HS6ST3: variants seen among roughly 807,000 people sequenced by gnomAD.
The protein encoded by HS6ST3 is heparan-sulfate 6-O-sulfotransferase 3.
Under a neutral mutation model 36.7 loss-of-function variants are expected in HS6ST3, and 12 were observed. The observed-to-expected ratio is 0.33, with a 90% CI of 0.21 to 0.53. The LOEUF is 0.53. Ranked by LOEUF, HS6ST3 falls within the 20% of genes least tolerant of loss-of-function variation. The pLI, the probability that HS6ST3 is intolerant of heterozygous loss-of-function variation, is 0.95. For synonymous variants in HS6ST3, 240 were observed against 257.5 expected (o/e 0.93, Z 0.65); for missense variants, 584 against 640.9 (o/e 0.91, Z 0.96).
chr13:96,366,905 G>C lies in HS6ST3; in HGVS notation c.707+275336G>C, dbSNP rs191627113. Among the ~76,000 whole-genome samples, 97 of 152,190 alleles carry C rather than the reference G, an allele frequency of 6.4e-4. 2 individuals are homozygous for C. The East Asian group carries it at 0.018, about 29-fold the overall frequency. Reference sequence around the variant, plus strand: ...CGCAAGACCTGATGGTTTTATAAAGGGGATTTCCCCTGCATATGCTCTCTT... The same window carrying C: ...CGCAAGACCTGATGGTTTTATAAAGCGGATTTCCCCTGCATATGCTCTCTT... On this transcript the variant is annotated intron_variant, in intron 1 of 1. Coordinates refer to ENST00000376705, the MANE Select transcript of HS6ST3 (RefSeq NM_153456.4).
chr13:96,215,786 G>A (rs1216960083), intron 1 of HS6ST3, among the ~76,000 whole-genome samples: 1 of 152,066 alleles, frequency 6.6e-6, no homozygotes, highest in Admixed American at 6.6e-5. Context: ...TAAGGTTTGA[G>A]TTTGTGGTTC....
chr13:96,566,187 G>T (rs531692923), intron 1 of HS6ST3, among the ~76,000 whole-genome samples: 2 of 151,692 alleles, frequency 1.3e-5, no homozygotes, highest in Non-Finnish European at 2.9e-5. Context: ...ATAATAGGAG[G>T]ACAAAATTAA....
intron 1 of HS6ST3, among the ~76,000 whole-genome samples, chr13:96,184,146 A>G (rs1235947989): frequency 6.9e-6 from 1 of 145,498 alleles, no homozygotes; most frequent in Non-Finnish European, 1.5e-5. Flanking sequence ...GGTTGCAATG[A>G]GCCAAGATCG....
At chr13:96,465,706 C>A (rs934542717) in intron 1 of HS6ST3, among the ~76,000 whole-genome samples, 16 of 151,934 alleles carry the variant, frequency 1.1e-4, no homozygotes, top group African/African-American at 3.6e-4. Context: ...CTGGGTGGTG[C>A]TTACATAGGT....
At chr13:96,608,211 A>C (rs1214096147) in intron 1 of HS6ST3, among the ~76,000 whole-genome samples, 2 of 152,242 alleles carry the variant, frequency 1.3e-5, no homozygotes, top group African/African-American at 4.8e-5. Flanking sequence ...ATAAACATTT[A>C]TTCTGACTTT....
At chr13:96,737,475 A>T (rs1262700618) in intron 1 of HS6ST3, among the ~76,000 whole-genome samples, 8 of 149,960 alleles carry the variant, frequency 5.3e-5, no homozygotes, top group African/African-American at 2.0e-4. Flanking sequence ...AATACAAAAA[A>T]TTAGCCGGGC....
chr13:96,715,592 A>T (rs1875675141), intron 1 of HS6ST3, among the ~76,000 whole-genome samples: 1 of 152,034 alleles, frequency 6.6e-6, no homozygotes, highest in African/African-American at 2.4e-5. Context: ...TTTTTGTACC[A>T]CTTCCCAGAG....
At chr13:96,258,024 A>G (rs1308506529) in intron 1 of HS6ST3, among the ~76,000 whole-genome samples, 1 of 152,226 alleles carries the variant, frequency 6.6e-6, no homozygotes, top group Non-Finnish European at 1.5e-5. Flanking sequence ...TGTCATCAAT[A>G]TTTTAATCAT....
At chr13:96,458,610 A>T (rs957560601) in intron 1 of HS6ST3, among the ~76,000 whole-genome samples, 11 of 150,782 alleles carry the variant, frequency 7.3e-5, no homozygotes, top group Admixed American at 3.3e-4. Context: ...TGCCTACCTC[A>T]TCTGTTACAT....
rs150716589 is a variant in HS6ST3 at position 96,091,513 on chromosome 13, C to T, written c.651C>T (p.Asn217=). 25 of 1,597,010 alleles carry T rather than the reference C, an allele frequency of 1.6e-5. No individual in the cohort carries two copies. In the African/African-American group the frequency reaches 3.1e-4, roughly 20 times the overall value. ...ACGCCGACTGGACGGAGCTCACCAA[C>T]TGCGTGCCGGCCATCATGGAGAAGA... The part of the protein sequence containing the change: ...GLHADWTELT[N]CVPAIMEKKD... The change falls in exon 1 of 2, where the codon AAC becomes AAT. Residue 217 remains asparagine (N), a synonymous_variant. Coordinates refer to ENST00000376705, the MANE Select transcript of HS6ST3 (RefSeq NM_153456.4).
chr13:96,295,076 G>A (rs963144090), intron 1 of HS6ST3, among the ~76,000 whole-genome samples: 1 of 152,016 alleles, frequency 6.6e-6, no homozygotes, highest in African/African-American at 2.4e-5. Flanking sequence ...TAAGACTAGG[G>A]CCATGGTAAC....
At chr13:96,462,471 T>A (rs1257942117) in intron 1 of HS6ST3, among the ~76,000 whole-genome samples, 1 of 152,204 alleles carries the variant, frequency 6.6e-6, no homozygotes, top group African/African-American at 2.4e-5. Flanking sequence ...AATGAAACTT[T>A]ATTAGTCTGG....
At chr13:96,184,788 A>G (rs1184330586) in intron 1 of HS6ST3, among the ~76,000 whole-genome samples, 4 of 151,656 alleles carry the variant, frequency 2.6e-5, no homozygotes, top group Non-Finnish European at 5.9e-5. Flanking sequence ...TTTATATTCT[A>G]TAGCACACTT....
Position 96,231,578 on chromosome 13 carries a change from A to C in HS6ST3, c.707+140009A>C, listed in dbSNP as rs557692301. The stretch of plus-strand genomic sequence containing the variant: ...CTCATGATAACTCACTATCATGAGA[A>C]CAGTACCAAAGGGGAGATCCACCCT... On this transcript the variant is annotated intron_variant, in intron 1 of 1. Coordinates refer to ENST00000376705, the MANE Select transcript of HS6ST3 (RefSeq NM_153456.4). Among the ~76,000 whole-genome samples the C allele has an allele frequency of 2.6e-5, 4 of 152,176 alleles. No homozygotes were observed. The East Asian group carries it at 7.8e-4, about 30-fold the overall frequency.
intron 1 of HS6ST3, among the ~76,000 whole-genome samples, chr13:96,328,620 A>C (rs1368863748): frequency 1.6e-4 from 25 of 151,590 alleles, no homozygotes; most frequent in Admixed American, 1.3e-4. Flanking sequence ...AATGTTCATC[A>C]AGGATATTGG....
chr13:96,782,664 A>G (rs1877553875), intron 1 of HS6ST3, among the ~76,000 whole-genome samples: 2 of 152,210 alleles, frequency 1.3e-5, no homozygotes, highest in Admixed American at 6.5e-5. Context: ...TTGCCCTGAG[A>G]TAAAATTATC....
intron 1 of HS6ST3, among the ~76,000 whole-genome samples, chr13:96,336,541 C>A (rs530637027): frequency 3.3e-5 from 5 of 152,166 alleles, no homozygotes; most frequent in African/African-American, 7.2e-5. Context: ...GATTAGGACA[C>A]CAATATGTAC....
chr13:96,356,514 A>G (rs1007023244), intron 1 of HS6ST3, among the ~76,000 whole-genome samples: 2 of 152,176 alleles, frequency 1.3e-5, no homozygotes, highest in African/African-American at 4.8e-5. Context: ...GTACATTTCC[A>G]TCAGAGCTCT....
At chr13:96,706,109 C>T (rs1022758961) in intron 1 of HS6ST3, among the ~76,000 whole-genome samples, 3 of 152,064 alleles carry the variant, frequency 2.0e-5, no homozygotes, top group Admixed American at 1.3e-4. Context: ...TTTTATTCTT[C>T]GTAAGAAAGG....
Sources: gnomAD v4.1 joint callset for allele counts (sites outside exome capture counted in the v4.1 genomes callset) on GRCh38, gnomAD v4.1.1 for gene constraint, MANE v1.5 for transcripts, NCBI Gene and HGNC (gene_info 2026-07-23, HGNC 2026-07-21) for gene names.